The following MGAM variants were observed in gnomAD, a reference collection of about 807,000 sequenced individuals.
MGAM encodes the protein alpha-1,4-glucosidase.
A neutral mutation model predicts 358.8 loss-of-function variants in MGAM; 253 were observed. The observed-to-expected ratio is 0.71, with a 90% confidence interval of 0.64 to 0.78. The LOEUF (loss-of-function observed/expected upper bound fraction) is 0.78. MGAM is among the 30% of genes least tolerant of loss of function. The pLI is 0.00. For missense variants in MGAM, 3,080 were observed against 3,432.6 expected, an observed-to-expected ratio of 0.90 and a Z score of 2.57; for synonymous variants, 1,105 against 1,227.1, an observed-to-expected ratio of 0.90 and a Z score of 2.08.
At chr7:142,064,348 G>A (rs2129042753) in intron 36 of MGAM, 36 bp from the exon 37 acceptor site, 2 of 1,587,850 alleles carry the variant, frequency 1.3e-6, no homozygotes, top group Non-Finnish European at 1.7e-6. Context: ...AACAGAATCA[G>A]GGCTGGGTTT....
Position 142,103,360 on chromosome 7 carries a change from G to A in MGAM, c.8105G>A (p.Ser2702Asn), listed in dbSNP as rs553324420. 108 of 1,613,260 alleles carry A rather than the reference G, an allele frequency of 6.7e-5. 3 individuals are homozygous for A. The South Asian group carries it at 1.1e-3, about 17-fold the overall frequency. Residue 2702 changes from serine to asparagine, a missense_variant, in exon 70 of 71, where the codon AGT becomes AAT. Physicochemically the swap from Ser to Asn is conservative, Grantham distance 46. Coordinates refer to ENST00000475668, the MANE Select transcript of MGAM (RefSeq NM_001365693.1). ...TACATTGAAATCTGGGGAGTGGGCA[G>A]TGTCCCCGTTACCAGTGTCAGCATC... ...LGYIEIWGVG[S>N]VPVTSVSISV... is the part of the protein sequence containing the mutation.
chr7:142,034,429 A>G, intron 15 of MGAM, 50 bp downstream of exon 15: 2 of 1,288,454 alleles, frequency 1.6e-6, no homozygotes, highest in Non-Finnish European at 1.1e-6. Flanking sequence ...TAAAGAATAT[A>G]TATATGTTTT....
chr7:141,999,757 C>T (rs1804586835), intron 1 of MGAM, among the ~76,000 whole-genome samples: 1 of 152,086 alleles, frequency 6.6e-6, no homozygotes. Context: ...AGCCCTTAAC[C>T]CTATTTAAAT....
At position 142,068,293 on chromosome 7, in the gene MGAM, G is replaced by A. The variant is rs547360197; in HGVS notation, c.5005-354G>A. Among the ~76,000 whole-genome samples, 9 of 142,192 alleles carry A rather than the reference G, an allele frequency of 6.3e-5. 1 individual carries two copies. Among genetic ancestry groups the A allele is most frequent in the African/African-American group, 1.7e-4 (7 of 40,690 alleles). The allele number at this position is 142,192 out of a possible 152,430, so 93.3% of individuals were successfully genotyped here. A position where few individuals can be genotyped will look rare whatever the true frequency, so the allele number is the denominator to read the frequency against. Reference sequence around the variant, plus strand: ...ATTACAGGCATGAGCCATCGCGCCCGGCCCCAAAATCTCATTATACCCACA... The same window carrying A: ...ATTACAGGCATGAGCCATCGCGCCCAGCCCCAAAATCTCATTATACCCACA... On this transcript the variant is annotated intron_variant, in intron 42 of 70. Coordinates refer to ENST00000475668, the MANE Select transcript of MGAM (RefSeq NM_001365693.1).
chr7:142,064,109 G>A (rs1165273829), intron 36 of MGAM, among the ~76,000 whole-genome samples: 4 of 152,194 alleles, frequency 2.6e-5, no homozygotes, highest in Admixed American at 6.5e-5. Context: ...ATAATTGGAA[G>A]TCAAAAGCCT....
In MGAM at chr7:142,085,893, A is replaced by C; in HGVS notation, c.6568A>C (p.Lys2190Gln). ...ERQLDFTLSP[K>Q]FAGFPALINR... is the part of the protein sequence containing the mutation. ...GCAGCTGGACTTCACCCTCAGCCCC[A>C]AGTTTGCCGGGTTTCCAGCTCTGAT... The change falls in exon 55 of 71, where the codon AAG becomes CAG. Residue 2190 changes from lysine (K) to glutamine (Q), a missense_variant. Physicochemically the swap from Lys to Gln is moderately conservative, Grantham distance 53. Coordinates refer to ENST00000475668, the MANE Select transcript of MGAM (RefSeq NM_001365693.1). 1 of 1,565,930 alleles carries C rather than the reference A, an allele frequency of 6.4e-7. No individual in the cohort carries two copies. Among genetic ancestry groups the C allele is most frequent in the Non-Finnish European group, 8.8e-7 (1 of 1,141,322 alleles).
intron 1 of MGAM, among the ~76,000 whole-genome samples, chr7:142,002,006 T>A (rs892770607): frequency 2.0e-5 from 3 of 152,198 alleles, no homozygotes; most frequent in African/African-American, 7.2e-5. Context: ...ACATAAATTG[T>A]TTCAGCTACC....
chr7:142,065,227 A>G (rs1399071591), intron 37 of MGAM, 108 bp from the exon 38 acceptor site: 2 of 1,439,930 alleles, frequency 1.4e-6, no homozygotes, highest in Non-Finnish European at 1.9e-6. Context: ...TGTTCCCTCC[A>G]GTCACGCAGC....
chr7:142,059,996 C>A (rs117281190), intron 33 of MGAM, 30 bp downstream of exon 33: 26,858 of 1,565,828 alleles, frequency 0.017, 288 homozygotes, highest in Middle Eastern at 0.028. Context: ...TCCACTAGTC[C>A]CCAGCCTGAG....
At chr7:142,061,657 T>C (rs1661648057) in intron 34 of MGAM, among the ~76,000 whole-genome samples, 1 of 152,188 alleles carries the variant, frequency 6.6e-6, no homozygotes, top group African/African-American at 2.4e-5. Flanking sequence ...TCTTTAGCTC[T>C]TTCACTCTTA....
chr7:142,043,734 A>G (rs1474248314), intron 21 of MGAM, among the ~76,000 whole-genome samples: 1 of 85,768 alleles, frequency 1.2e-5, no homozygotes, highest in Non-Finnish European at 2.7e-5. Flanking sequence ...AATATATAAT[A>G]TATACATTAT....
At chr7:142,100,170 G>T (rs1328419109) in intron 67 of MGAM, among the ~76,000 whole-genome samples, 1 of 152,178 alleles carries the variant, frequency 6.6e-6, no homozygotes, top group Non-Finnish European at 1.5e-5. Flanking sequence ...GTGAGTGCTT[G>T]CCCTGTGCCT....
intron 64 of MGAM, chr7:142,096,073 G>A: frequency 8.4e-6 from 5 of 598,500 alleles, no homozygotes; most frequent in Admixed American, 3.0e-5. Flanking sequence ...TGCATTTGAA[G>A]TTTGCCATGG....
intron 41 of MGAM, 150 bp downstream of exon 41, chr7:142,066,871 T>A: frequency 1.9e-6 from 2 of 1,067,658 alleles, no homozygotes; most frequent in Non-Finnish European, 2.7e-6. Flanking sequence ...ATTACTGTCT[T>A]TAGCACAGTG....
Position 142,005,596 on chromosome 7 carries a change from GTTGT to G in MGAM, c.69_72del (p.Phe24SerfsTer6), listed in dbSNP as rs781922105. 100 of 1,586,168 alleles carry G rather than the reference GTTGT, an allele frequency of 6.3e-5. 1 individual carries two copies. The African/African-American group carries it at 1.1e-3, about 18-fold the overall frequency. Reference sequence around the variant, plus strand: ...TTGTGCTCAGTGTTCTTCTGCTTGTGTTGTTTATCATCAGTATTGTTCTAATTGT... The same window carrying G: ...TTGTGCTCAGTGTTCTTCTGCTTGTGTTATCATCAGTATTGTTCTAATTGT... On this transcript the variant is annotated frameshift_variant, in exon 2 of 71. Coordinates refer to ENST00000475668, the MANE Select transcript of MGAM (RefSeq NM_001365693.1). LOFTEE classifies it high-confidence loss of function.
At position 142,044,945 on chromosome 7, in the gene MGAM, G is replaced by A. The variant is rs1309581761; in HGVS notation, c.2499-2840G>A. 3.2e-5 allele frequency among the ~76,000 whole-genome samples: 3 copies of A among 93,068 alleles called. 1 individual carries two copies. The highest frequency in any genetic ancestry group is 6.1e-5 in the Non-Finnish European group (3 of 49,094). 61.1% of individuals were successfully genotyped at this position (93,068 alleles called of 152,430 possible). The stretch of plus-strand genomic sequence containing the variant: ...ACACGTGTAATATATGATATATAAT[G>A]TATATTATATACACGTGTAATATAT... On this transcript the variant is annotated intron_variant, in intron 21 of 70. Transcript: ENST00000475668.
intron 68 of MGAM, among the ~76,000 whole-genome samples, chr7:142,101,307 C>T (rs571045533): frequency 1.3e-5 from 2 of 151,872 alleles, no homozygotes; most frequent in East Asian, 1.9e-4. Context: ...AATTGGTAAA[C>T]TCTCAGGAGG....
At chr7:142,100,916 T>G (rs1265570327) in intron 68 of MGAM, 26 bp downstream of exon 68, 2 of 1,594,932 alleles carry the variant, frequency 1.3e-6, no homozygotes, top group Non-Finnish European at 1.7e-6. Flanking sequence ...CTGAGATTCA[T>G]GCTGATGGCA....
chr7:142,054,694 G>A, intron 26 of MGAM, 60 bp from the exon 27 acceptor site: 2 of 1,554,288 alleles, frequency 1.3e-6, no homozygotes, highest in South Asian at 1.2e-5. Flanking sequence ...AAAAGGTTCT[G>A]CTAAGGGTAT....
Sources: allele counts gnomAD v4.1 joint callset (sites outside exome capture counted in the v4.1 genomes callset), GRCh38; gene constraint gnomAD v4.1.1; transcripts MANE v1.5; gene names NCBI Gene and HGNC (gene_info 2026-07-23, HGNC 2026-07-21).